STX18: variants seen among roughly 807,000 people sequenced by gnomAD.
The protein encoded by STX18 is syntaxin 18, also known as syntaxin-18.
STX18 carries 40 observed loss-of-function variants against 50.1 expected under a neutral mutation model. That is an observed-to-expected ratio of 0.80 (90% CI 0.62 to 1.04). The LOEUF is 1.04. Ranked by LOEUF, STX18 falls within the 50% of genes least tolerant of loss-of-function variation. The pLI, the probability that STX18 is intolerant of heterozygous loss-of-function variation, is 0.00. For synonymous variants in STX18, 158 were observed against 151.8 expected (o/e 1.04, Z -0.30); for missense variants, 410 against 415.8 (o/e 0.99, Z 0.12).
intron 2 of STX18, among the ~76,000 whole-genome samples, chr4:4,465,734 C>A (rs1256274494): frequency 1.3e-5 from 2 of 152,156 alleles, no homozygotes; most frequent in African/African-American, 2.4e-5. Context: ...ATGTAACAAA[C>A]CTGCACATCC....
chr4:4,513,315 T>C (rs1730092569), intron 1 of STX18, among the ~76,000 whole-genome samples: 1 of 152,122 alleles, frequency 6.6e-6, no homozygotes, highest in South Asian at 2.1e-4. Context: ...GGGTTTCCCA[T>C]TCATCTGGGA....
rs371438241 is a variant in STX18 at position 4,439,429 on chromosome 4, C to A, written c.498-920G>T. ...TATATGTGCAGATATGTATATATAC[C>A]CCCCACATATACCCTCCCCCACACA... On this transcript the variant is annotated intron_variant, in intron 5 of 10. Coordinates refer to ENST00000306200, the MANE Select transcript of STX18 (RefSeq NM_016930.4). Among the ~76,000 whole-genome samples, 205 of 111,844 alleles carry A rather than the reference C, an allele frequency of 1.8e-3. 1 individual carries two copies. Among genetic ancestry groups the A allele is most frequent in the East Asian group, 0.014 (48 of 3,404 alleles). 73.4% of individuals were successfully genotyped at this position (111,844 alleles called of 152,430 possible).
intron 1 of STX18, among the ~76,000 whole-genome samples, chr4:4,523,619 A>C (rs1730619810): frequency 6.6e-6 from 1 of 152,140 alleles, no homozygotes; most frequent in Admixed American, 6.5e-5. Context: ...CTCTTCTCAA[A>C]TATATCGAGT....
At chr4:4,434,390 T>C (rs557478288) in intron 7 of STX18, among the ~76,000 whole-genome samples, 27 of 152,346 alleles carry the variant, frequency 1.8e-4, no homozygotes, top group African/African-American at 6.3e-4. Context: ...CTCTTTTCAC[T>C]TTTCAGTCAT....
In STX18 at chr4:4,473,442, G is replaced by GC. The variant is rs1728023145; in HGVS notation, c.169-1737dup. Among the ~76,000 whole-genome samples, 3 of 151,842 alleles carry GC rather than the reference G, an allele frequency of 2.0e-5. No individual in the cohort carries two copies. In the South Asian group the frequency reaches 6.3e-4, roughly 32 times the overall value. On this transcript the variant is annotated intron_variant, in intron 1 of 10. Transcript: ENST00000306200. Reference sequence around the variant, plus strand: ...GGAGTAGCTGGGACTACAGGCACCCGCCACCACACCCGGCTAATTTTTTTG... The same window carrying GC: ...GGAGTAGCTGGGACTACAGGCACCCGCCCACCACACCCGGCTAATTTTTTTG...
At chr4:4,497,041 G>A (rs1577375559) in intron 1 of STX18, among the ~76,000 whole-genome samples, 1 of 152,208 alleles carries the variant, frequency 6.6e-6, no homozygotes, top group South Asian at 2.1e-4. Flanking sequence ...CAAAGCCAGC[G>A]TTTCAACCAG....
At chr4:4,484,763 T>C (rs1405215645) in intron 1 of STX18, among the ~76,000 whole-genome samples, 1 of 152,164 alleles carries the variant, frequency 6.6e-6, no homozygotes, top group East Asian at 1.9e-4. Flanking sequence ...AACTACACAA[T>C]AGGCTGGAAA....
intron 7 of STX18, 106 bp from the exon 8 acceptor site, chr4:4,425,328 T>C (rs1410352106): frequency 2.9e-6 from 3 of 1,025,612 alleles, no homozygotes; most frequent in Non-Finnish European, 4.6e-6. Context: ...AGCCCCCATT[T>C]CCAGCTGCGG....
intron 2 of STX18, chr4:4,462,052 C>T (rs1727408087): frequency 4.5e-6 from 2 of 445,942 alleles, no homozygotes; most frequent in Non-Finnish European, 9.1e-6. Flanking sequence ...ATCAACAAGG[C>T]CACCCGCCTG....
At chr4:4,515,437 A>C (rs551024446) in intron 1 of STX18, among the ~76,000 whole-genome samples, 1 of 152,312 alleles carries the variant, frequency 6.6e-6, no homozygotes, top group African/African-American at 2.4e-5. Context: ...TAAAATTTAA[A>C]TACTTTGAAC....
At chr4:4,428,127 G>A (rs530125843) in intron 7 of STX18, among the ~76,000 whole-genome samples, 10 of 152,358 alleles carry the variant, frequency 6.6e-5, no homozygotes, top group Middle Eastern at 3.4e-3. Flanking sequence ...CTGTCTAAAT[G>A]GCAAACCTGT....
intron 1 of STX18, chr4:4,478,587 G>C (rs929491966): frequency 1.3e-5 from 2 of 152,306 alleles, no homozygotes; most frequent in Non-Finnish European, 2.9e-5. Context: ...GATGAATCAG[G>C]GTGGACAAAA....
intron 1 of STX18, among the ~76,000 whole-genome samples, chr4:4,532,482 A>C (rs1731146557): frequency 6.6e-6 from 1 of 152,206 alleles, no homozygotes. Flanking sequence ...ACAAAAAAAA[A>C]ACCTCACTCT....
chr4:4,517,658 T>C (rs1245759323), intron 1 of STX18, among the ~76,000 whole-genome samples: 3 of 152,200 alleles, frequency 2.0e-5, no homozygotes, highest in Non-Finnish European at 4.4e-5. Context: ...ACACAGATAA[T>C]CTTGTGTTTT....
chr4:4,480,141 G>A (rs1479681145), intron 1 of STX18, among the ~76,000 whole-genome samples: 1 of 152,208 alleles, frequency 6.6e-6, no homozygotes, highest in Non-Finnish European at 1.5e-5. Context: ...ATGATTGTAG[G>A]TGGTAAGATT....
At chr4:4,490,360 T>C (rs896407129) in intron 1 of STX18, among the ~76,000 whole-genome samples, 73 of 152,300 alleles carry the variant, frequency 4.8e-4, no homozygotes, top group African/African-American at 1.7e-3. Flanking sequence ...TCCTTAAGAA[T>C]TGGAGTTGTA....
intron 1 of STX18, among the ~76,000 whole-genome samples, chr4:4,513,973 C>A (rs146104518): frequency 6.6e-6 from 1 of 152,034 alleles, no homozygotes; most frequent in African/African-American, 2.4e-5. Context: ...CATGTAATTA[C>A]GTTAAGAGTC....
chr4:4,536,958 G>T (rs1181579856), intron 1 of STX18, among the ~76,000 whole-genome samples: 6 of 152,154 alleles, frequency 3.9e-5, no homozygotes, highest in Non-Finnish European at 8.8e-5. Context: ...TACTAATGTG[G>T]AAACTGAGGC....
At chr4:4,517,561 G>C (rs1243545319) in intron 1 of STX18, among the ~76,000 whole-genome samples, 3 of 152,102 alleles carry the variant, frequency 2.0e-5, no homozygotes, top group African/African-American at 7.2e-5. Flanking sequence ...AGAAAATCTA[G>C]CAATTTTACT....
Sources: allele counts gnomAD v4.1 joint callset (sites outside exome capture counted in the v4.1 genomes callset), GRCh38; gene constraint gnomAD v4.1.1; transcripts MANE v1.5; gene names NCBI Gene and HGNC (gene_info 2026-07-23, HGNC 2026-07-21).